Variants in HGF observed in about 807,000 individuals in gnomAD.
HGF encodes the protein hepatocyte growth factor.
HGF carries 39 observed loss-of-function variants against 111.6 expected under a neutral mutation model. The ratio of observed to expected loss-of-function variants is 0.35; its 90% CI spans 0.27 to 0.46. The LOEUF (loss-of-function observed/expected upper bound fraction) is 0.46. Ranked by LOEUF, HGF falls within the 20% of genes least tolerant of loss-of-function variation. The probability of loss-of-function intolerance (pLI) is 1.00; values close to 1 mark genes in which losing one functional copy is unlikely to be tolerated. For missense variants in HGF, 735 were observed against 910.5 expected, an observed-to-expected ratio of 0.81 and a Z score of 2.48; for synonymous variants, 285 against 294.8, an observed-to-expected ratio of 0.97 and a Z score of 0.34.
At chr7:81,750,705 A>G (rs1210880542) in intron 5 of HGF, among the ~76,000 whole-genome samples, 1 of 152,164 alleles carries the variant, frequency 6.6e-6, no homozygotes, top group Non-Finnish European at 1.5e-5. Context: ...AGCTGTTTAA[A>G]GTTTGGCCAA....
rs569624420 is a variant in HGF at position 81,706,944 on chromosome 7, G to C, written c.1616+346C>G. Among the ~76,000 whole-genome samples the C allele has an allele frequency of 6.0e-5, 9 of 151,254 alleles. No individual in the cohort carries two copies. The South Asian group carries it at 1.9e-3, about 32-fold the overall frequency. ...TGACTCTACAGGAGAAAGAAGTAGT[G>C]AGGACTGAAAAAAGCCTATTGACAA... On this transcript the variant is annotated intron_variant, in intron 14 of 17. Coordinates refer to ENST00000222390, the MANE Select transcript of HGF (RefSeq NM_000601.6).
At chr7:81,711,332 A>T (rs1191159922) in intron 12 of HGF, 149 bp downstream of exon 12, 4 of 448,794 alleles carry the variant, frequency 8.9e-6, no homozygotes, top group Non-Finnish European at 1.6e-5. Context: ...TATGCATAGA[A>T]AAATATATTT....
intron 9 of HGF, among the ~76,000 whole-genome samples, chr7:81,723,791 C>CAT (rs1048605512): frequency 1.5e-4 from 22 of 149,272 alleles, no homozygotes; most frequent in South Asian, 2.1e-4. Context: ...TAACATCTTT[C>CAT]ATATATATAT....
chr7:81,740,546 G>C (rs902835881), intron 7 of HGF, among the ~76,000 whole-genome samples: 4 of 152,144 alleles, frequency 2.6e-5, no homozygotes, highest in African/African-American at 9.7e-5. Context: ...TCCCTAATCA[G>C]TTGACTATAA....
chr7:81,720,921 T>C (rs889766392), intron 9 of HGF, 74 bp from the exon 10 acceptor site: 7 of 813,170 alleles, frequency 8.6e-6, no homozygotes, highest in Non-Finnish European at 1.5e-5. Flanking sequence ...TTTACAAGTA[T>C]ATGGAATCAT....
intron 4 of HGF, among the ~76,000 whole-genome samples, chr7:81,752,725 A>G (rs1442250959): frequency 6.6e-6 from 1 of 151,908 alleles, no homozygotes; most frequent in African/African-American, 2.4e-5. Context: ...TTTTCTGCAC[A>G]ATTGAGAAAC....
intron 7 of HGF, 84 bp from the exon 8 acceptor site, chr7:81,729,863 G>T: frequency 1.6e-6 from 2 of 1,260,642 alleles, no homozygotes; most frequent in Non-Finnish European, 2.2e-6. Context: ...ATTGGCATTT[G>T]TATTAGCAGA....
At chr7:81,742,860 T>G in intron 7 of HGF, 1 of 1,602,346 alleles carries the variant, frequency 6.2e-7, no homozygotes, top group Non-Finnish European at 8.5e-7. Context: ...ACATCTGTGA[T>G]AAACTTCTAT....
rs73381183 is a variant in HGF at position 81,752,221 on chromosome 7, T to C, written c.524A>G (p.Asn175Ser). 1.2e-6 allele frequency: 2 copies of C among 1,613,458 alleles called. No homozygotes were observed. Among genetic ancestry groups the C allele is most frequent in the Admixed American group, 1.7e-5 (1 of 59,982 alleles). Reference protein sequence around the residue: ...SSYRGKDLQENYCRNPRGEEG... With the variant: ...SSYRGKDLQESYCRNPRGEEG... ...TTCCCCTCGAGGATTTCGACAGTAG[T>C]TTTCCTGTAGGTCTTTACCCCGATA... Residue 175 changes from asparagine (N) to serine (S), a missense_variant, in exon 5 of 18, where the codon AAC becomes AGC. Transcript: ENST00000222390.
intron 7 of HGF, among the ~76,000 whole-genome samples, chr7:81,733,245 A>T (rs1787723083): frequency 6.6e-6 from 1 of 151,950 alleles, no homozygotes; most frequent in Non-Finnish European, 1.5e-5. Context: ...TGGAGACGGA[A>T]AATAAAACCT....
intron 4 of HGF, among the ~76,000 whole-genome samples, chr7:81,752,897 C>T (rs888706521): frequency 6.6e-6 from 1 of 152,056 alleles, no homozygotes; most frequent in Non-Finnish European, 1.5e-5. Context: ...TAACATCTTA[C>T]ACCTTATATG....
At chr7:81,706,606 A>G (rs1255885557) in intron 14 of HGF, among the ~76,000 whole-genome samples, 179 bp from the exon 15 acceptor site, 2 of 152,070 alleles carry the variant, frequency 1.3e-5, no homozygotes, top group Non-Finnish European at 2.9e-5. Flanking sequence ...ACAAACATAC[A>G]TAAGCAGAAA....
At chr7:81,740,313 G>T (rs112217280) in intron 7 of HGF, among the ~76,000 whole-genome samples, 56 of 152,176 alleles carry the variant, frequency 3.7e-4, no homozygotes, top group African/African-American at 1.3e-3. Context: ...CCAGAAAACT[G>T]GCCCAGTTAA....
chr7:81,730,629 G>C (rs1787619886), intron 7 of HGF, among the ~76,000 whole-genome samples: 1 of 59,572 alleles, frequency 1.7e-5, no homozygotes, highest in Non-Finnish European at 3.6e-5. Context: ...GAAACCCTCA[G>C]TCACTAAGTA....
chr7:81,756,289 T>C, intron 4 of HGF: 1 of 504,324 alleles, frequency 2.0e-6, no homozygotes, highest in East Asian at 3.3e-5. Flanking sequence ...TGGTTCTCAT[T>C]ACAAGTAAAT....
intron 2 of HGF, among the ~76,000 whole-genome samples, chr7:81,762,387 C>T (rs1789129986): frequency 6.6e-6 from 1 of 152,180 alleles, no homozygotes; most frequent in African/African-American, 2.4e-5. Context: ...AAAAGTTACT[C>T]TGAATAGATA....
chr7:81,711,103 T>C (rs1303582585), intron 12 of HGF, among the ~76,000 whole-genome samples: 1 of 152,190 alleles, frequency 6.6e-6, no homozygotes, highest in Non-Finnish European at 1.5e-5. Context: ...AGGCACTGAA[T>C]AACTTTCCAA....
In HGF at chr7:81,700,871, C is replaced by A. The variant is rs1481932667; in HGVS notation, c.*1710G>T. 2.6e-5 allele frequency: 4 copies of A among 151,558 alleles called. No individual in the cohort carries two copies. The highest frequency in any genetic ancestry group is 6.6e-5 in the Admixed American group (1 of 15,140). 9.4% of individuals were successfully genotyped at this position (151,558 alleles called of 1,614,324 possible). On this transcript the variant is annotated 3_prime_UTR_variant, in exon 18 of 18. Coordinates refer to ENST00000222390, the MANE Select transcript of HGF (RefSeq NM_000601.6). ...TTCTGTGGACTAAGCTCTCCATAAA[C>A]TTAAAACCATTTTAGTCCAGATTGA...
rs1381777322 is a variant in HGF at position 81,756,983 on chromosome 7, A to T, written c.482+206T>A. The T allele has an allele frequency of 7.6e-5, 45 of 595,258 alleles. No homozygotes were observed. The East Asian group carries it at 1.2e-3, about 16-fold the overall frequency. The allele number at this position is 595,258 out of a possible 1,614,324, so 36.9% of individuals were successfully genotyped here. Reference sequence around the variant, plus strand: ...CTACAAATTGAGGCATTAAGGTAAGATATTGTTTTGGCTACATTTTATTAA... The same window carrying T: ...CTACAAATTGAGGCATTAAGGTAAGTTATTGTTTTGGCTACATTTTATTAA... On this transcript the variant is annotated intron_variant, in intron 4 of 17. Transcript: ENST00000222390.
Sources: allele counts gnomAD v4.1 joint callset (sites outside exome capture counted in the v4.1 genomes callset), GRCh38; gene constraint gnomAD v4.1.1; transcripts MANE v1.5; gene names NCBI Gene and HGNC (gene_info 2026-07-23, HGNC 2026-07-21).